SMYD3: variants seen among roughly 807,000 people sequenced by gnomAD.
The protein encoded by SMYD3 is histone-lysine N-methyltransferase SMYD3.
In SMYD3, 36 loss-of-function variants were observed where a neutral mutation model predicts 57.7. That is an observed-to-expected ratio of 0.62 (90% confidence interval 0.48 to 0.82). The LOEUF (loss-of-function observed/expected upper bound fraction) is 0.82. Among genes scored for constraint, SMYD3 ranks in the 40% least tolerant of loss-of-function variants. The probability of loss-of-function intolerance (pLI) is 0.00; values close to 1 mark genes in which losing one functional copy is unlikely to be tolerated. For missense variants in SMYD3, 515 were observed against 538.8 expected, an observed-to-expected ratio of 0.96 and a Z score of 0.44; for synonymous variants, 211 against 195.0, an observed-to-expected ratio of 1.08 and a Z score of -0.68.
intron 5 of SMYD3, among the ~76,000 whole-genome samples, chr1:246,237,139 T>C (rs1202684374): frequency 2.6e-5 from 4 of 152,086 alleles, no homozygotes; most frequent in African/African-American, 7.2e-5. Context: ...GAAACATGAG[T>C]AGGCGCAGAA....
At chr1:246,029,105 C>A (rs564609048) in intron 5 of SMYD3, among the ~76,000 whole-genome samples, 1 of 152,102 alleles carries the variant, frequency 6.6e-6, no homozygotes, top group Admixed American at 6.5e-5. Context: ...ACATAGGACC[C>A]AAAACTATAA....
intron 5 of SMYD3, among the ~76,000 whole-genome samples, chr1:246,231,166 G>A (rs972110936): frequency 1.3e-5 from 2 of 152,126 alleles, no homozygotes; most frequent in Non-Finnish European, 2.9e-5. Flanking sequence ...CCTGAAAGCA[G>A]TCTTATTCTC....
chr1:245,940,500 G>A (rs1052042318), intron 5 of SMYD3, among the ~76,000 whole-genome samples: 7 of 152,056 alleles, frequency 4.6e-5, no homozygotes, highest in Admixed American at 1.3e-4. Context: ...GCACCCAGGT[G>A]AATACGGTCT....
At chr1:246,165,333 G>A (rs952115594) in intron 5 of SMYD3, among the ~76,000 whole-genome samples, 1 of 152,162 alleles carries the variant, frequency 6.6e-6, no homozygotes, top group Admixed American at 6.5e-5. Context: ...TGGAGCAAAG[G>A]CATTACTTCT....
At chr1:246,319,266 G>A (rs904210117) in intron 5 of SMYD3, among the ~76,000 whole-genome samples, 2 of 152,208 alleles carry the variant, frequency 1.3e-5, no homozygotes, top group African/African-American at 2.4e-5. Context: ...CAACAGCTAA[G>A]TATTCTAGCA....
chr1:245,866,604 C>T (rs190578109), intron 8 of SMYD3, among the ~76,000 whole-genome samples: 26 of 152,092 alleles, frequency 1.7e-4, no homozygotes, highest in Admixed American at 1.2e-3. Context: ...TAGTGGCACA[C>T]GCCTGTAATC....
At chr1:245,835,530 A>G (rs527974161) in intron 10 of SMYD3, among the ~76,000 whole-genome samples, 1 of 152,336 alleles carries the variant, frequency 6.6e-6, no homozygotes, top group African/African-American at 2.4e-5. Context: ...CAATCTGCTG[A>G]AATATTTTTA....
At chr1:245,860,370 C>A (rs1282139745) in intron 9 of SMYD3, among the ~76,000 whole-genome samples, 1 of 152,228 alleles carries the variant, frequency 6.6e-6, no homozygotes. Context: ...CTTCTCAGAA[C>A]ACGGCTTTCT....
chr1:245,943,838 C>T (rs191945478), intron 5 of SMYD3, among the ~76,000 whole-genome samples: 31 of 152,150 alleles, frequency 2.0e-4, no homozygotes, highest in Admixed American at 1.0e-3. Context: ...ATTTGCAAAT[C>T]GGTAAATAAA....
In SMYD3 at chr1:246,195,454, AC is replaced by A. The variant is rs541716669; in HGVS notation, c.531+131746del. 1.2e-4 allele frequency among the ~76,000 whole-genome samples: 19 copies of A among 152,198 alleles called. No individual in the cohort carries two copies. The East Asian group carries it at 3.5e-3, about 28-fold the overall frequency. On this transcript the variant is annotated intron_variant, in intron 5 of 11. Coordinates refer to ENST00000490107, the MANE Select transcript of SMYD3 (RefSeq NM_001167740.2). Reference sequence around the variant, plus strand: ...AAATGCTTAAGCACATCTGGACTCTACTCCAGTGACCTACAAGGTAATACAT... The same window carrying A: ...AAATGCTTAAGCACATCTGGACTCTATCCAGTGACCTACAAGGTAATACAT...
chr1:246,445,742 G>C (rs1002751104), intron 1 of SMYD3, among the ~76,000 whole-genome samples: 2 of 151,954 alleles, frequency 1.3e-5, no homozygotes, highest in African/African-American at 2.4e-5. Flanking sequence ...GTCTGAGAGA[G>C]CTTAGTACAG....
intron 1 of SMYD3, among the ~76,000 whole-genome samples, chr1:246,445,312 G>C (rs2067535951): frequency 6.6e-6 from 1 of 152,138 alleles, no homozygotes; most frequent in South Asian, 2.1e-4. Context: ...TTTGCCAGCA[G>C]TTTAGACTAT....
chr1:246,232,610 C>A (rs1184033952), intron 5 of SMYD3, among the ~76,000 whole-genome samples: 1 of 144,354 alleles, frequency 6.9e-6, no homozygotes, highest in African/African-American at 2.6e-5. Flanking sequence ...AGAGGAGAAG[C>A]ACTCCTTCAA....
rs116182462 is a variant in SMYD3 at position 246,151,565 on chromosome 1, G to A, written c.531+175636C>T. On this transcript the variant is annotated intron_variant, in intron 5 of 11. Transcript: ENST00000490107. ...AAAAAATAAAAAACTCTTTGAAAAGGACCTAGCCTATAGTGTCACATTCAG... is the reference window on the plus strand; with the variant it reads ...AAAAAATAAAAAACTCTTTGAAAAGAACCTAGCCTATAGTGTCACATTCAG... 3.7e-3 allele frequency among the ~76,000 whole-genome samples: 569 copies of A among 152,230 alleles called. 5 individuals carry two copies. Among genetic ancestry groups the A allele is most frequent in the Middle Eastern group, 6.8e-3 (2 of 294 alleles).
intron 1 of SMYD3, among the ~76,000 whole-genome samples, chr1:246,394,751 A>T (rs981836632): frequency 6.6e-6 from 1 of 151,872 alleles, no homozygotes; most frequent in African/African-American, 2.4e-5. Context: ...AGGCTCCCAA[A>T]CTTAGCTAAG....
chr1:245,821,258 C>T (rs57625573), intron 10 of SMYD3, among the ~76,000 whole-genome samples: 4 of 114,440 alleles, frequency 3.5e-5, no homozygotes, highest in Admixed American at 2.0e-4. Flanking sequence ...CTACAACTAT[C>T]TGATCTTTGA....
At chr1:245,950,651 T>A (rs10802301) in intron 5 of SMYD3, among the ~76,000 whole-genome samples, 46,189 of 152,066 alleles carry the variant, frequency 0.3, 10,316 homozygotes, top group African/African-American at 0.62. Context: ...TGCTATCATA[T>A]GTCACTCAAA....
chr1:245,997,439 A>G (rs1034502273), intron 5 of SMYD3, among the ~76,000 whole-genome samples: 1 of 152,158 alleles, frequency 6.6e-6, no homozygotes, highest in African/African-American at 2.4e-5. Context: ...CCTCCTCAAC[A>G]TGCTTCTGAT....
At chr1:246,131,169 C>A (rs1231454938) in intron 5 of SMYD3, among the ~76,000 whole-genome samples, 2 of 152,292 alleles carry the variant, frequency 1.3e-5, no homozygotes, top group African/African-American at 4.8e-5. Flanking sequence ...TCTTCCTTTG[C>A]ATTCCCAACA....
Sources: allele counts gnomAD v4.1 joint callset (sites outside exome capture counted in the v4.1 genomes callset), GRCh38; gene constraint gnomAD v4.1.1; transcripts MANE v1.5; gene names NCBI Gene and HGNC (gene_info 2026-07-23, HGNC 2026-07-21).